Variants in LIPH observed in about 807,000 individuals in gnomAD.
LIPH encodes the protein lipase member H.
In LIPH, 32 loss-of-function variants were observed where a neutral mutation model predicts 47.6. The observed-to-expected ratio is 0.67, with a 90% CI of 0.51 to 0.90. The LOEUF (loss-of-function observed/expected upper bound fraction) is 0.90. Among genes scored for constraint, LIPH ranks in the 40% least tolerant of loss-of-function variants. The pLI, the probability that LIPH is intolerant of heterozygous loss-of-function variation, is 0.00. For synonymous variants in LIPH, 190 were observed against 195.6 expected (o/e 0.97, Z 0.24); for missense variants, 497 against 541.4 (o/e 0.92, Z 0.81).
chr3:185,510,802 A>G (rs1227080788), intron 9 of LIPH, among the ~76,000 whole-genome samples: 1 of 152,210 alleles, frequency 6.6e-6, no homozygotes, highest in Non-Finnish European at 1.5e-5. Flanking sequence ...AAGGGAATAA[A>G]ATGTTCCAAT....
intron 4 of LIPH, among the ~76,000 whole-genome samples, chr3:185,526,671 T>A (rs58075767): frequency 3.9e-4 from 55 of 142,364 alleles, no homozygotes; most frequent in African/African-American, 8.7e-4. Flanking sequence ...AATAATATAA[T>A]ATAATATAAT....
At chr3:185,518,474 A>C (rs901344465) in intron 6 of LIPH, among the ~76,000 whole-genome samples, 3 of 151,780 alleles carry the variant, frequency 2.0e-5, no homozygotes, top group Admixed American at 6.6e-5. Context: ...TAGAGATGAG[A>C]TATCACCATG....
At chr3:185,535,596 T>A (rs1332154825) in intron 1 of LIPH, among the ~76,000 whole-genome samples, 1 of 149,906 alleles carries the variant, frequency 6.7e-6, no homozygotes, top group East Asian at 2.0e-4. Context: ...ATCATATTTG[T>A]TTTTTTGTTT....
At chr3:185,528,622 CCT>C (rs1352118054) in intron 3 of LIPH, among the ~76,000 whole-genome samples, 1 of 152,126 alleles carries the variant, frequency 6.6e-6, no homozygotes, top group African/African-American at 2.4e-5. Flanking sequence ...GTTTCACTGC[CCT>C]GAGTTTAGCA....
chr3:185,540,746 T>C (rs1312975268), intron 1 of LIPH, among the ~76,000 whole-genome samples: 1 of 147,720 alleles, frequency 6.8e-6, no homozygotes, highest in African/African-American at 2.5e-5. Context: ...AAAAAAGAAA[T>C]ATTTAAAATC....
intron 8 of LIPH, among the ~76,000 whole-genome samples, chr3:185,512,090 A>G (rs887457067): frequency 5.9e-5 from 9 of 152,246 alleles, no homozygotes; most frequent in African/African-American, 1.9e-4. Context: ...ACAGAAATAG[A>G]TGCTTACAGA....
At position 185,507,827 on chromosome 3, in the gene LIPH, T is replaced by G. The variant is rs1719426289; in HGVS notation, c.*963A>C. ...TTTTGTATCTACGCATTTTCTAAAT[T>G]TCCTTCAATAATCATAGATTACATT... On this transcript the variant is annotated 3_prime_UTR_variant, in exon 10 of 10. Transcript: ENST00000296252. The G allele has an allele frequency of 6.6e-6, 1 of 152,234 alleles. No homozygotes were observed. Among genetic ancestry groups the G allele is most frequent in the South Asian group, 2.1e-4 (1 of 4,836 alleles). The allele number at this position is 152,234 out of a possible 1,614,324, so 9.4% of individuals were successfully genotyped here. A position where few individuals can be genotyped will look rare whatever the true frequency, so the allele number is the denominator to read the frequency against.
chr3:185,531,172 G>T (rs1352434809), intron 3 of LIPH, among the ~76,000 whole-genome samples: 2 of 152,160 alleles, frequency 1.3e-5, no homozygotes, highest in African/African-American at 4.8e-5. Context: ...CCAGCTGTGT[G>T]CCCTTAGGCA....
intron 3 of LIPH, among the ~76,000 whole-genome samples, chr3:185,531,650 G>A (rs1038236035): frequency 1.3e-5 from 2 of 151,620 alleles, no homozygotes; most frequent in African/African-American, 2.4e-5. Flanking sequence ...GGGGACCACC[G>A]CAGGAGGATT....
At position 185,549,150 on chromosome 3, in the gene LIPH, TA is replaced by T. The variant is rs1720978160; in HGVS notation, c.49+3272del. ...ATCTCAAAAAAAAAAAAAAAGAAAA[TA>T]TTTGTTTCTTTTTTACCCTGGGCGG... On this transcript the variant is annotated intron_variant, in intron 1 of 9. Coordinates refer to ENST00000296252, the MANE Select transcript of LIPH (RefSeq NM_139248.3). 3.5e-5 allele frequency among the ~76,000 whole-genome samples: 5 copies of T among 144,616 alleles called. No individual in the cohort carries two copies. In the East Asian group the frequency reaches 1.2e-3, roughly 35 times the overall value. 94.9% of individuals were successfully genotyped at this position (144,616 alleles called of 152,430 possible).
At chr3:185,532,016 T>C (rs1474043318) in intron 3 of LIPH, among the ~76,000 whole-genome samples, 3 of 152,114 alleles carry the variant, frequency 2.0e-5, no homozygotes, top group Non-Finnish European at 2.9e-5. Context: ...AAGAGCTTTT[T>C]CTTATTGCTC....
At position 185,538,900 on chromosome 3, in the gene LIPH, C is replaced by T. The variant is rs143629115; in HGVS notation, c.50-3768G>A. Among the ~76,000 whole-genome samples the T allele has an allele frequency of 6.8e-5, 4 of 58,462 alleles. No homozygotes were observed. The South Asian group carries it at 1.1e-3, about 16-fold the overall frequency. 38.4% of individuals were successfully genotyped at this position (58,462 alleles called of 152,430 possible). A position where few individuals can be genotyped will look rare whatever the true frequency, so the allele number is the denominator to read the frequency against. ...ATATATATACATATATACGTATATA[C>T]ACATATACACATATATACACATATA... On this transcript the variant is annotated intron_variant, in intron 1 of 9. Coordinates refer to ENST00000296252, the MANE Select transcript of LIPH (RefSeq NM_139248.3).
chr3:185,529,958 GAAAGAAGGAAAGAAAGAA>G (rs1482521992), intron 3 of LIPH, among the ~76,000 whole-genome samples: 906 of 56,708 alleles, frequency 0.016, 10 homozygotes, highest in African/African-American at 0.024. Context: ...AAGAAAGAAA[GAAAGAAGGAAAGAAAGAA>G]AGAGAGAGAG....
At chr3:185,552,355 T>A (rs1721075449) in intron 1 of LIPH, 68 bp downstream of exon 1, 6 of 1,106,098 alleles carry the variant, frequency 5.4e-6, no homozygotes, top group Middle Eastern at 2.1e-4. Flanking sequence ...AATGATGACA[T>A]GCAAAATGAC....
chr3:185,542,743 A>G (rs1017556286), intron 1 of LIPH, among the ~76,000 whole-genome samples: 3 of 152,220 alleles, frequency 2.0e-5, no homozygotes, highest in Non-Finnish European at 4.4e-5. Context: ...GATGATTGGA[A>G]AAAGAAAATA....
chr3:185,537,292 C>G (rs948745710), intron 1 of LIPH, among the ~76,000 whole-genome samples: 7 of 152,098 alleles, frequency 4.6e-5, no homozygotes, highest in East Asian at 1.9e-4. Flanking sequence ...CAGTGAGACT[C>G]TAGCTCTTAA....
At chr3:185,524,258 GTTGT>G in intron 4 of LIPH, 98 bp from the exon 5 acceptor site, 2 of 756,608 alleles carry the variant, frequency 2.6e-6, no homozygotes, top group Non-Finnish European at 2.3e-6. Flanking sequence ...TATTATTATT[GTTGT>G]TTATCATTAT....
At chr3:185,529,961 AGAAG>A (rs200486094) in intron 3 of LIPH, among the ~76,000 whole-genome samples, 46,327 of 109,638 alleles carry the variant, frequency 0.42, 8,802 homozygotes, top group South Asian at 0.48. Flanking sequence ...AAAGAAAGAA[AGAAG>A]GAAAGAAAGA....
At chr3:185,511,424 A>C in intron 9 of LIPH, 100 bp downstream of exon 9, 2 of 1,114,498 alleles carry the variant, frequency 1.8e-6, no homozygotes, top group Non-Finnish European at 1.4e-6. Flanking sequence ...CCTCATTGTG[A>C]ATAATAGAGT....
Sources: allele counts gnomAD v4.1 joint callset (sites outside exome capture counted in the v4.1 genomes callset), GRCh38; gene constraint gnomAD v4.1.1; transcripts MANE v1.5; gene names NCBI Gene and HGNC (gene_info 2026-07-23, HGNC 2026-07-21).